MYPOP: variants seen among roughly 807,000 people sequenced by gnomAD.
MYPOP encodes the protein myb-related transcription factor, partner of profilin.
In MYPOP, 21 loss-of-function variants were observed where a neutral mutation model predicts 25.7. The ratio of observed to expected loss-of-function variants is 0.82; its 90% confidence interval spans 0.58 to 1.18. MYPOP has a LOEUF of 1.18. MYPOP is among the 50% of genes most tolerant of loss of function. MYPOP has a pLI of 0.00. For synonymous variants in MYPOP, 280 were observed against 247.9 expected, an observed-to-expected ratio of 1.13 and a Z score of -1.22; for missense variants, 566 against 588.3, an observed-to-expected ratio of 0.96 and a Z score of 0.39.
rs1032890700 is a variant in MYPOP at position 45,890,449 on chromosome 19, G to T, written c.*174C>A. 10 of 1,047,308 alleles carry T rather than the reference G, an allele frequency of 9.5e-6. No homozygotes were observed. In the African/African-American group the frequency reaches 1.5e-4, roughly 16 times the overall value. 64.9% of individuals were successfully genotyped at this position (1,047,308 alleles called of 1,614,324 possible). ...TGTACCAGAGAAAGGGGTTGGGGGG[G>T]CCCATTACTGAGGCCCCCCCCAGAG... On this transcript the variant is annotated 3_prime_UTR_variant, in exon 3 of 3. Coordinates refer to ENST00000322217, the MANE Select transcript of MYPOP (RefSeq NM_001012643.4).
chr19:45,891,138 G>A lies in MYPOP; in HGVS notation c.685C>T (p.Pro229Ser). Residue 229 changes from proline (P) to serine (S), a missense_variant, in exon 3 of 3, where the codon CCC becomes TCC. Pro to Ser is a moderately conservative substitution (Grantham distance 74, BLOSUM62 -1). Transcript: ENST00000322217. The stretch of plus-strand genomic sequence containing the variant: ...GCCACTTGGGCCAGTGGCGGTGGGG[G>A]TGGCAGTGGAGGGGCTGGGGGTGGT... ...SPPPPAPPLP[P>S]PPPLAQVAPS... The A allele has an allele frequency of 2.7e-6, 4 of 1,486,464 alleles. No individual in the cohort carries two copies. Among genetic ancestry groups the A allele is most frequent in the South Asian group, 1.3e-5 (1 of 77,764 alleles). 92.1% of individuals were successfully genotyped at this position (1,486,464 alleles called of 1,614,324 possible). A position where few individuals can be genotyped will look rare whatever the true frequency, so the allele number is the denominator to read the frequency against.
intron 2 of MYPOP, among the ~76,000 whole-genome samples, chr19:45,895,535 T>A (rs1277727064): frequency 6.6e-6 from 1 of 152,162 alleles, no homozygotes; most frequent in Non-Finnish European, 1.5e-5. Flanking sequence ...TATCTCCACC[T>A]GGCACGGTAT....
Position 45,890,429 on chromosome 19 carries a change from C to A in MYPOP, c.*194G>T. 1.2e-6 allele frequency: 1 copy of A among 807,832 alleles called. No individual in the cohort carries two copies. The highest frequency in any genetic ancestry group is 1.8e-6 in the Non-Finnish European group (1 of 544,266). The allele number at this position is 807,832 out of a possible 1,614,324, so 50.0% of individuals were successfully genotyped here. ...GGCAGCCAGGCAGACAGCACTGTAC[C>A]AGAGAAAGGGGTTGGGGGGGCCCAT... On this transcript the variant is annotated 3_prime_UTR_variant, in exon 3 of 3. Coordinates refer to ENST00000322217, the MANE Select transcript of MYPOP (RefSeq NM_001012643.4).
In MYPOP at chr19:45,901,496, C is replaced by G. The variant is rs542509268; in HGVS notation, c.278G>C (p.Arg93Pro). ...FKRRTKEKLA[R>P]VPHSTQGAGP... Reference sequence around the variant, plus strand: ...GGCGCCCTGCGTGGAGTGCGGCACGCGAGCGAGCTTCTCCTTGGTGCGGCG... The same window carrying G: ...GGCGCCCTGCGTGGAGTGCGGCACGGGAGCGAGCTTCTCCTTGGTGCGGCG... The change falls in exon 2 of 3, where the codon CGC (arginine) becomes CCC (proline). Residue 93 changes from arginine to proline, a missense_variant. By Grantham distance (103) the Arg-to-Pro change is moderately radical. Coordinates refer to ENST00000322217, the MANE Select transcript of MYPOP (RefSeq NM_001012643.4). The surrounding 1 kb of genome is among the most constrained non-coding windows in gnomAD (Gnocchi z 5.7). 1 of 1,609,990 alleles carries G rather than the reference C, an allele frequency of 6.2e-7. No individual in the cohort carries two copies.
intron 2 of MYPOP, among the ~76,000 whole-genome samples, chr19:45,897,842 C>T (rs2146380185): frequency 6.6e-6 from 1 of 152,256 alleles, no homozygotes; most frequent in East Asian, 1.9e-4. Flanking sequence ...AGGCATGCCT[C>T]TGTGCCTGGC....
chr19:45,890,722 C>CGGGGGGGGGGGGGGG lies in MYPOP; in HGVS notation c.1100_1101insCCCCCCCCCCCCCCC (p.Pro370_Ala371insProProProProPro). 6.4e-7 allele frequency: 1 copy of CGGGGGGGGGGGGGGG among 1,570,578 alleles called. No individual in the cohort carries two copies. The highest frequency in any genetic ancestry group is 8.6e-7 in the Non-Finnish European group (1 of 1,156,584). ...GCGGAGGGAGCGGGGCTGGGGGGGG[C>CGGGGGGGGGGGGGGG]CGGGGTGCCCCCTCCTCGCTCCTTG... is the stretch of plus-strand genomic sequence containing the variant. On this transcript the variant is annotated inframe_insertion, in exon 3 of 3. Transcript: ENST00000322217.
chr19:45,900,123 T>C (rs1967265846), intron 2 of MYPOP, among the ~76,000 whole-genome samples: 4 of 152,156 alleles, frequency 2.6e-5, no homozygotes. Context: ...ATCATGCCCA[T>C]GTTCCTCCCC....
intron 2 of MYPOP, among the ~76,000 whole-genome samples, chr19:45,893,588 A>G (rs945181019): frequency 7.5e-6 from 1 of 134,078 alleles, no homozygotes; most frequent in Middle Eastern, 3.4e-3. Flanking sequence ...AAAAAAAAAA[A>G]GGCAAATCTA....
At position 45,901,311 on chromosome 19, in the gene MYPOP, CGT is replaced by C; in HGVS notation, c.461_462del (p.Tyr154CysfsTer47). The C allele has an allele frequency of 1.4e-6, 2 of 1,459,742 alleles. No homozygotes were observed. The highest frequency in any genetic ancestry group is 1.8e-6 in the Non-Finnish European group (2 of 1,107,350). The allele number at this position is 1,459,742 out of a possible 1,614,324, so 90.4% of individuals were successfully genotyped here. Reference sequence around the variant, plus strand: ...TCCTCCCGGCGGTCTTCCGACAACACGTAGCGCTGAGGGCAGGCGCTTGGGGG... The same window carrying C: ...TCCTCCCGGCGGTCTTCCGACAACACAGCGCTGAGGGCAGGCGCTTGGGGG... ...PPPPSACPQRYVLSEDRREDR... is the reference protein window; with the variant it reads ...PPPPSACPQRXVLSEDRREDR... On this transcript the variant is annotated frameshift_variant, in exon 2 of 3. Transcript: ENST00000322217. LOFTEE classifies it high-confidence loss of function. This position sits in a 1 kb window ranked among gnomAD's most constrained non-coding sequence, Gnocchi z 5.7.
chr19:45,890,575 C>T lies in MYPOP; in HGVS notation c.*48G>A, dbSNP rs758810763. Reference sequence around the variant, plus strand: ...CAGAGAGCATCGCCCCCCTCGACTGCGCCAAGCTGGGGAGAGGGGTTGCAG... The same window carrying T: ...CAGAGAGCATCGCCCCCCTCGACTGTGCCAAGCTGGGGAGAGGGGTTGCAG... On this transcript the variant is annotated 3_prime_UTR_variant, in exon 3 of 3. Transcript: ENST00000322217. The T allele has an allele frequency of 1.9e-5, 31 of 1,599,808 alleles. No individual in the cohort carries two copies. The South Asian group carries it at 2.5e-4, about 13-fold the overall frequency.
Position 45,891,242 on chromosome 19 carries a change from C to T in MYPOP, c.581G>A (p.Cys194Tyr), listed in dbSNP as rs757046879. 4.7e-5 allele frequency: 73 copies of T among 1,546,382 alleles called. 1 individual carries two copies. Among genetic ancestry groups the T allele is most frequent in the Non-Finnish European group, 6.2e-5 (71 of 1,151,810 alleles). The change falls in exon 3 of 3, where the codon TGC (cysteine) becomes TAC (tyrosine). Residue 194 changes from cysteine to tyrosine, a missense_variant. Physicochemically the swap from Cys to Tyr is radical, Grantham distance 194 (BLOSUM62 -2). Coordinates refer to ENST00000322217, the MANE Select transcript of MYPOP (RefSeq NM_001012643.4). ...RPSCTPQEGG[C>Y]PRPKERESPP... is the part of the protein sequence containing the mutation. ...TGACTCACGCTCCTTGGGCCGTGGG[C>T]AGCCCCCTTCCTGGGGAGTGCAGGA...
rs762359762 is a variant in MYPOP at position 45,901,617 on chromosome 19, G to A, written c.157C>T (p.Arg53Trp). The A allele has an allele frequency of 6.2e-7, 1 of 1,610,430 alleles. No individual in the cohort carries two copies. The highest frequency in any genetic ancestry group is 8.5e-7 in the Non-Finnish European group (1 of 1,179,190). ...QSRRVSVAERRRVWDGIAAKI... is the reference protein window; with the variant it reads ...QSRRVSVAERWRVWDGIAAKI... Reference sequence around the variant, plus strand: ...GCGGCGATGCCGTCCCACACGCGCCGCCGCTCTGCCACGCTCACCCGACGG... The same window carrying A: ...GCGGCGATGCCGTCCCACACGCGCCACCGCTCTGCCACGCTCACCCGACGG... The change falls in exon 2 of 3, where the codon CGG becomes TGG. Residue 53 changes from arginine to tryptophan, a missense_variant. Physicochemically the swap from Arg to Trp is moderately radical, Grantham distance 101. Coordinates refer to ENST00000322217, the MANE Select transcript of MYPOP (RefSeq NM_001012643.4). The surrounding 1 kb of genome is among the most constrained non-coding windows in gnomAD (Gnocchi z 5.7).
At chr19:45,902,046 G>T (rs1315622167) in intron 1 of MYPOP, among the ~76,000 whole-genome samples, 2 of 151,238 alleles carry the variant, frequency 1.3e-5, no homozygotes, top group Non-Finnish European at 1.5e-5. Flanking sequence ...GTGCCACGCT[G>T]AAGAGTTGAT....
rs1967292529 is a variant in MYPOP, at chr19:45,901,470, C to G, written c.304G>C (p.Gly102Arg). 6.2e-7 allele frequency: 1 copy of G among 1,602,476 alleles called. No individual in the cohort carries two copies. The highest frequency in any genetic ancestry group is 8.5e-7 in the Non-Finnish European group (1 of 1,174,928). ...GAGAAAGCGTCCTCCGCGGCGGGCC[C>G]GGCGCCCTGCGTGGAGTGCGGCACG... ...ARVPHSTQGAGPAAEDAFSAE... is the reference protein window; with the variant it reads ...ARVPHSTQGARPAAEDAFSAE... Residue 102 changes from glycine to arginine, a missense_variant, in exon 2 of 3, where the codon GGG (glycine) becomes CGG (arginine). Coordinates refer to ENST00000322217, the MANE Select transcript of MYPOP (RefSeq NM_001012643.4). This position sits in a 1 kb window ranked among gnomAD's most constrained non-coding sequence, Gnocchi z 5.7.
chr19:45,893,608 A>G (rs1967157497), intron 2 of MYPOP, among the ~76,000 whole-genome samples: 1 of 150,854 alleles, frequency 6.6e-6, no homozygotes, highest in South Asian at 2.1e-4. Flanking sequence ...ATAGAAACAG[A>G]AAGTAGATGA....
chr19:45,893,845 A>G (rs1413777830), intron 2 of MYPOP, among the ~76,000 whole-genome samples: 2 of 144,848 alleles, frequency 1.4e-5, no homozygotes, highest in Non-Finnish European at 3.0e-5. Flanking sequence ...GCTGGAGTGC[A>G]GTGGCGCGAT....
Position 45,890,469 on chromosome 19 carries a change from C to A in MYPOP, c.*154G>T. 1 of 1,299,270 alleles carries A rather than the reference C, an allele frequency of 7.7e-7. No homozygotes were observed. The highest frequency in any genetic ancestry group is 2.7e-5 in the East Asian group (1 of 36,520). The allele number at this position is 1,299,270 out of a possible 1,614,324, so 80.5% of individuals were successfully genotyped here. A position where few individuals can be genotyped will look rare whatever the true frequency, so the allele number is the denominator to read the frequency against. ...GGGGGGCCCATTACTGAGGCCCCCC[C>A]CAGAGAATCAGGCACTAACTAGCAC... On this transcript the variant is annotated 3_prime_UTR_variant, in exon 3 of 3. Transcript: ENST00000322217.
At chr19:45,900,539 C>T (rs994892767) in intron 2 of MYPOP, among the ~76,000 whole-genome samples, 1 of 149,526 alleles carries the variant, frequency 6.7e-6, no homozygotes, top group African/African-American at 2.5e-5. Context: ...AAGTCATCAC[C>T]GTCTTCCCCA....
chr19:45,900,589 A>G (rs1019073561), intron 2 of MYPOP, among the ~76,000 whole-genome samples: 10 of 151,494 alleles, frequency 6.6e-5, no homozygotes, highest in East Asian at 1.9e-4. Flanking sequence ...TGTGTCCCCA[A>G]CCTCATCGAG....
Sources: gnomAD v4.1 joint callset for allele counts (sites outside exome capture counted in the v4.1 genomes callset) on GRCh38, gnomAD v4.1.1 for gene constraint, Gnocchi (gnomAD v3.1) non-coding constraint, MANE v1.5 for transcripts, NCBI Gene and HGNC (gene_info 2026-07-23, HGNC 2026-07-21) for gene names.